The following ELK4 variants were observed in gnomAD, a reference collection of about 807,000 sequenced individuals.
ELK4 encodes ETS transcription factor ELK4.
ELK4 carries 16 observed loss-of-function variants against 29.6 expected under a neutral mutation model. That is an observed-to-expected ratio of 0.54 (90% confidence interval 0.37 to 0.82). The LOEUF (loss-of-function observed/expected upper bound fraction) is 0.82. Among genes scored for constraint, ELK4 ranks in the 40% least tolerant of loss-of-function variants. The pLI is 0.00. For synonymous variants in ELK4, 213 were observed against 191.1 expected, an observed-to-expected ratio of 1.11 and a Z score of -0.95; for missense variants, 465 against 507.1, an observed-to-expected ratio of 0.92 and a Z score of 0.80.
intron 1 of ELK4, among the ~76,000 whole-genome samples, chr1:205,629,730 A>C: frequency 9.4e-6 from 1 of 106,848 alleles, no homozygotes; most frequent in Non-Finnish European, 1.9e-5. Flanking sequence ...AAATAAATAA[A>C]TAAAATAAAA....
In ELK4 at chr1:205,618,188, CTAACT is replaced by C. The variant is rs375459135; in HGVS notation, c.1197+764_1197+768del. Among the ~76,000 whole-genome samples, 58 of 152,072 alleles carry C rather than the reference CTAACT, an allele frequency of 3.8e-4. No individual in the cohort carries two copies. In the East Asian group the frequency reaches 9.9e-3, roughly 26 times the overall value. On this transcript the variant is annotated intron_variant, in intron 4 of 4. Coordinates refer to ENST00000357992, the MANE Select transcript of ELK4 (RefSeq NM_001973.4). ...GGGCCACAGGCACGTGCTACCATGC[CTAACT>C]TAATTTTTTTTATTTCTAGTACAGA...
In ELK4 at chr1:205,631,665, G is replaced by A. The variant is rs1033316690; in HGVS notation, c.-43C>T. On this transcript the variant is annotated 5_prime_UTR_variant, in exon 1 of 5. Coordinates refer to ENST00000357992, the MANE Select transcript of ELK4 (RefSeq NM_001973.4). The stretch of plus-strand genomic sequence containing the variant: ...CGCGCGGGGCTCCCCCTCGGTCTCC[G>A]CCTCGAACACGATGCGCCTCTCCGC... The A allele has an allele frequency of 1.2e-5, 4 of 343,200 alleles. No individual in the cohort carries two copies. Among genetic ancestry groups the A allele is most frequent in the African/African-American group, 6.7e-5 (3 of 44,796 alleles). 21.3% of individuals were successfully genotyped at this position (343,200 alleles called of 1,614,324 possible).
In ELK4 at chr1:205,619,967, T is replaced by A; in HGVS notation, c.1079A>T (p.Gln360Leu). Residue 360 changes from glutamine to leucine, a missense_variant and splice_region_variant, in exon 3 of 5, where the codon CAG becomes CTG. By Grantham distance (113) the Gln-to-Leu change is moderately radical (BLOSUM62 -2). Around this residue, in one of 2 missense-constraint regions of ELK4, gnomAD observed 80 missense variants for 119.6 expected, o/e 0.67. Coordinates refer to ENST00000357992, the MANE Select transcript of ELK4 (RefSeq NM_001973.4). Reference protein sequence around the residue: ...TASLTPAFFSQTPIILTPSPL... With the variant: ...TASLTPAFFSLTPIILTPSPL... ...CACCATAAAGAGCGAGCAAGCTACCTGTGAAAAAAATGCTGGTGTAAGAGA... is the reference window on the plus strand; with the variant it reads ...CACCATAAAGAGCGAGCAAGCTACCAGTGAAAAAAATGCTGGTGTAAGAGA... 6.2e-7 allele frequency: 1 copy of A among 1,614,178 alleles called. No individual in the cohort carries two copies. Among genetic ancestry groups the A allele is most frequent in the Non-Finnish European group, 8.5e-7 (1 of 1,180,030 alleles).
rs1382793647 is a variant in ELK4, at chr1:205,608,401, G to A, written c.*8145C>T. ...TATACAGATAGAATTCAAGACTCTA[G>A]CTACAATCATCCTAATCAATCTTAG... On this transcript the variant is annotated 3_prime_UTR_variant, in exon 5 of 5. Transcript: ENST00000357992. 5.2e-6 allele frequency: 1 copy of A among 194,162 alleles called. No individual in the cohort carries two copies. The highest frequency in any genetic ancestry group is 2.3e-5 in the African/African-American group (1 of 43,100). The allele number at this position is 194,162 out of a possible 1,614,324, so 12.0% of individuals were successfully genotyped here. A position where few individuals can be genotyped will look rare whatever the true frequency, so the allele number is the denominator to read the frequency against.
rs1670117217 is a variant in ELK4, at chr1:205,609,235, T to C, written c.*7311A>G. The C allele has an allele frequency of 5.3e-6, 1 of 188,362 alleles. No homozygotes were observed. 11.7% of individuals were successfully genotyped at this position (188,362 alleles called of 1,614,324 possible). On this transcript the variant is annotated 3_prime_UTR_variant, in exon 5 of 5. Coordinates refer to ENST00000357992, the MANE Select transcript of ELK4 (RefSeq NM_001973.4). ...TTCAAAATGCAAAGTTACATACCCT[T>C]ATTTTTTAGCCAATTTGATTATTTG...
chr1:205,625,995 C>T, intron 1 of ELK4: 3 of 1,361,762 alleles, frequency 2.2e-6, no homozygotes, highest in Non-Finnish European at 3.1e-6. Flanking sequence ...CTTCTTGATC[C>T]AGAAGCGAAT....
chr1:205,625,886 T>C, intron 1 of ELK4: 3 of 672,136 alleles, frequency 4.5e-6, no homozygotes, highest in Middle Eastern at 4.3e-4. Flanking sequence ...ACCATGTTGG[T>C]CAGGCTGGTC....
chr1:205,629,184 A>AAAAAAG, intron 1 of ELK4, among the ~76,000 whole-genome samples: 1 of 151,476 alleles, frequency 6.6e-6, no homozygotes, highest in African/African-American at 2.4e-5. Flanking sequence ...AAAAAAAAAA[A>AAAAAAG]AAAAGAAAAG....
rs1231099880 is a variant in ELK4, at chr1:205,609,331, A to G, written c.*7215T>C. ...TTTTACTTGCCTCAAACTAAAGCTA[A>G]CCAGTAGCAAAATGACTGGACTGAA... On this transcript the variant is annotated 3_prime_UTR_variant, in exon 5 of 5. Coordinates refer to ENST00000357992, the MANE Select transcript of ELK4 (RefSeq NM_001973.4). 1 of 190,414 alleles carries G rather than the reference A, an allele frequency of 5.3e-6. No individual in the cohort carries two copies. Among genetic ancestry groups the G allele is most frequent in the African/African-American group, 2.3e-5 (1 of 42,988 alleles). 11.8% of individuals were successfully genotyped at this position (190,414 alleles called of 1,614,324 possible). A position where few individuals can be genotyped will look rare whatever the true frequency, so the allele number is the denominator to read the frequency against.
In ELK4 at chr1:205,623,664, G is replaced by A; in HGVS notation, c.207+12C>T. On this transcript the variant is annotated intron_variant, in intron 2 of 4. Transcript: ENST00000357992. ...GGTTCTCTGTATAGTATAAGATCAG[G>A]ATGTGTACTACCTTTACATAATAGT... The A allele has an allele frequency of 6.2e-7, 1 of 1,613,164 alleles. No homozygotes were observed. The highest frequency in any genetic ancestry group is 8.5e-7 in the Non-Finnish European group (1 of 1,179,434).
In ELK4 at chr1:205,631,631, C is replaced by G; in HGVS notation, c.-10+1G>C. On this transcript the variant is annotated splice_donor_variant, in intron 1 of 4. Coordinates refer to ENST00000357992, the MANE Select transcript of ELK4 (RefSeq NM_001973.4). LOFTEE classifies it low-confidence loss of function (5UTR_SPLICE). ...GGGGGCGCGCGGGGCTGACCGCTCA[C>G]CGACGCCGCGCGCGGGGCTCCCCCT... 3.1e-6 allele frequency: 1 copy of G among 320,896 alleles called. No homozygotes were observed. Among genetic ancestry groups the G allele is most frequent in the South Asian group, 2.2e-5 (1 of 46,074 alleles). 19.9% of individuals were successfully genotyped at this position (320,896 alleles called of 1,614,324 possible).
intron 2 of ELK4, among the ~76,000 whole-genome samples, chr1:205,623,180 A>T (rs1041326990): frequency 5.3e-5 from 8 of 151,310 alleles, no homozygotes; most frequent in African/African-American, 7.3e-5. Flanking sequence ...AAAAAAGAAG[A>T]AGATTTGGTA....
intron 1 of ELK4, chr1:205,626,200 T>G (rs1571505718): frequency 1.7e-6 from 1 of 581,992 alleles, no homozygotes; most frequent in Non-Finnish European, 3.3e-6. Flanking sequence ...TACAGAGAGG[T>G]GGCCTCCCTT....
rs777704620 is a variant in ELK4, at chr1:205,614,953, C to G, written c.*1593G>C. On this transcript the variant is annotated 3_prime_UTR_variant, in exon 5 of 5. Transcript: ENST00000357992. Reference sequence around the variant, plus strand: ...CTGATATCAATTCAGTTTGGGGAACCAACAAATCTGTACCTGGCATTGATT... The same window carrying G: ...CTGATATCAATTCAGTTTGGGGAACGAACAAATCTGTACCTGGCATTGATT... 1 of 214,960 alleles carries G rather than the reference C, an allele frequency of 4.7e-6. No individual in the cohort carries two copies. The highest frequency in any genetic ancestry group is 2.3e-5 in the African/African-American group (1 of 44,192). 13.3% of individuals were successfully genotyped at this position (214,960 alleles called of 1,614,324 possible). A position where few individuals can be genotyped will look rare whatever the true frequency, so the allele number is the denominator to read the frequency against.
In ELK4 at chr1:205,616,604, G is replaced by A; in HGVS notation, c.1238C>T (p.Ser413Phe). 6.2e-7 allele frequency: 1 copy of A among 1,614,182 alleles called. No individual in the cohort carries two copies. The highest frequency in any genetic ancestry group is 1.7e-5 in the Admixed American group (1 of 60,018). Residue 413 changes from serine (S) to phenylalanine (F), a missense_variant, in exon 5 of 5, where the codon TCT (serine) becomes TTT (phenylalanine). Ser to Phe is a radical substitution (Grantham distance 155). Coordinates refer to ENST00000357992, the MANE Select transcript of ELK4 (RefSeq NM_001973.4). ...AGGGGTGGAAGGTCCATCCAGCCCAGACAGAGTGAATGGCCCATGACTGTT... is the reference window on the plus strand; with the variant it reads ...AGGGGTGGAAGGTCCATCCAGCCCAAACAGAGTGAATGGCCCATGACTGTT... ...VLNSHGPFTL[S>F]GLDGPSTPGP...
chr1:205,624,904 A>G (rs1173908219), intron 1 of ELK4, among the ~76,000 whole-genome samples: 1 of 152,248 alleles, frequency 6.6e-6, no homozygotes, highest in African/African-American at 2.4e-5. Flanking sequence ...ATGCTCTCTC[A>G]TAAAGGTATT....
chr1:205,616,437 AAT>A lies in ELK4; in HGVS notation c.*107_*108del. On this transcript the variant is annotated 3_prime_UTR_variant, in exon 5 of 5. Coordinates refer to ENST00000357992, the MANE Select transcript of ELK4 (RefSeq NM_001973.4). ...TTCAATGGGGAATGGCAAAAATCAC[AAT>A]AGTCTATTATCAGCATTGTAGAACT... 1.0e-6 allele frequency: 1 copy of A among 995,776 alleles called. No individual in the cohort carries two copies. The highest frequency in any genetic ancestry group is 1.5e-6 in the Non-Finnish European group (1 of 662,668). The allele number at this position is 995,776 out of a possible 1,614,324, so 61.7% of individuals were successfully genotyped here.
chr1:205,610,762 C>G lies in ELK4; in HGVS notation c.*5784G>C, dbSNP rs989322028. 19 of 219,240 alleles carry G rather than the reference C, an allele frequency of 8.7e-5. No homozygotes were observed. The highest frequency in any genetic ancestry group is 1.3e-4 in the Non-Finnish European group (15 of 112,760). The allele number at this position is 219,240 out of a possible 1,614,324, so 13.6% of individuals were successfully genotyped here. A position where few individuals can be genotyped will look rare whatever the true frequency, so the allele number is the denominator to read the frequency against. On this transcript the variant is annotated 3_prime_UTR_variant, in exon 5 of 5. Coordinates refer to ENST00000357992, the MANE Select transcript of ELK4 (RefSeq NM_001973.4). ...CATCAATGTATGTTCCCTATGAAAA[C>G]AGATTTACACGCGCACACACACACA...
chr1:205,611,258 ATTCACCT>A lies in ELK4; in HGVS notation c.*5281_*5287del. ...TGAAACAATTATACTACCATTAACG[ATTCACCT>A]TTCAGATTTGCTCGGCTTACAGGTC... On this transcript the variant is annotated 3_prime_UTR_variant, in exon 5 of 5. Transcript: ENST00000357992. 4.7e-6 allele frequency: 1 copy of A among 210,712 alleles called. No homozygotes were observed. Among genetic ancestry groups the A allele is most frequent in the Non-Finnish European group, 9.6e-6 (1 of 103,702 alleles). 13.1% of individuals were successfully genotyped at this position (210,712 alleles called of 1,614,324 possible). A position where few individuals can be genotyped will look rare whatever the true frequency, so the allele number is the denominator to read the frequency against.
Sources: gnomAD v4.1 joint callset for allele counts (sites outside exome capture counted in the v4.1 genomes callset) on GRCh38, gnomAD v4.1.1 for gene constraint, gnomAD v4.1.1 regional missense constraint, MANE v1.5 for transcripts, NCBI Gene and HGNC (gene_info 2026-07-23, HGNC 2026-07-21) for gene names.